EPHA3: variants seen among roughly 807,000 people sequenced by gnomAD.
EPHA3 encodes the protein ephrin type-A receptor 3.
A neutral mutation model predicts 107.1 loss-of-function variants in EPHA3; 42 were observed. The ratio of observed to expected loss-of-function variants is 0.39; its 90% confidence interval spans 0.31 to 0.51. EPHA3 has a LOEUF of 0.51. EPHA3 is among the 20% of genes least tolerant of loss of function. The pLI is 0.78. For synonymous variants in EPHA3, 461 were observed against 424.8 expected (o/e 1.09, Z -1.05); for missense variants, 1,183 against 1,211.2 (o/e 0.98, Z 0.35).
intron 2 of EPHA3, among the ~76,000 whole-genome samples, chr3:89,193,364 G>A (rs1705762922): frequency 6.6e-6 from 1 of 151,928 alleles, no homozygotes; most frequent in Admixed American, 6.6e-5. Flanking sequence ...GCATTACCAT[G>A]GGAACAATTG....
In EPHA3 at chr3:89,107,760, G is replaced by A. The variant is rs2106932177; in HGVS notation, c.12G>A (p.Gln4=). 6.2e-7 allele frequency: 1 copy of A among 1,614,100 alleles called. No individual in the cohort carries two copies. The highest frequency in any genetic ancestry group is 8.5e-7 in the Non-Finnish European group (1 of 1,179,982). Residue 4 remains glutamine, a synonymous_variant, in exon 1 of 17, where the codon CAG becomes CAA. Coordinates refer to ENST00000336596, the MANE Select transcript of EPHA3 (RefSeq NM_005233.6). MDC[Q]LSILLLLSCS... Reference sequence around the variant, plus strand: ...TCTGCACCAGCAACATGGATTGTCAGCTCTCCATCCTCCTCCTTCTCAGCT... The same window carrying A: ...TCTGCACCAGCAACATGGATTGTCAACTCTCCATCCTCCTCCTTCTCAGCT...
chr3:89,153,787 C>T (rs1320117053), intron 2 of EPHA3, among the ~76,000 whole-genome samples: 2 of 152,040 alleles, frequency 1.3e-5, no homozygotes, highest in African/African-American at 2.4e-5. Context: ...CACTCCTTTG[C>T]TGATGATCCT....
At chr3:89,305,635 GA>G (rs1414064092) in intron 3 of EPHA3, among the ~76,000 whole-genome samples, 3 of 151,972 alleles carry the variant, frequency 2.0e-5, no homozygotes, top group Non-Finnish European at 4.4e-5. Flanking sequence ...ATTGTAAGGG[GA>G]AAAAACCTAT....
intron 1 of EPHA3, among the ~76,000 whole-genome samples, chr3:89,124,545 A>G (rs2106967854): frequency 1.3e-5 from 2 of 152,234 alleles, no homozygotes; most frequent in East Asian, 3.9e-4. Context: ...GAAGTTAACT[A>G]TTCTACTCTA....
At chr3:89,316,602 T>G (rs1380603014) in intron 3 of EPHA3, among the ~76,000 whole-genome samples, 2 of 148,846 alleles carry the variant, frequency 1.3e-5, no homozygotes, top group Admixed American at 1.4e-4. Flanking sequence ...AGCACTTCTC[T>G]TTTACTGTTG....
chr3:89,354,367 T>G (rs1325071908), intron 5 of EPHA3, among the ~76,000 whole-genome samples: 5 of 151,264 alleles, frequency 3.3e-5, no homozygotes, highest in African/African-American at 1.2e-4. Flanking sequence ...AAATTCTTAA[T>G]TATATTTCAG....
At chr3:89,365,280 T>C (rs1157719437) in intron 5 of EPHA3, among the ~76,000 whole-genome samples, 1 of 150,658 alleles carries the variant, frequency 6.6e-6, no homozygotes, top group Non-Finnish European at 1.5e-5. Context: ...CCCTCAGATA[T>C]AGCCTTTCAG....
chr3:89,448,117 C>T (rs1234427009), intron 13 of EPHA3, among the ~76,000 whole-genome samples: 1 of 152,120 alleles, frequency 6.6e-6, no homozygotes, highest in African/African-American at 2.4e-5. Flanking sequence ...AGAATCTTGG[C>T]TCCACGTTCC....
Position 89,479,700 on chromosome 3 carries a change from G to A in EPHA3, c.*198G>A. ...TATCATTTATTGGATGGGTGGGTGG[G>A]GTATTTTTTTGTAATTGCTTTTTTA... On this transcript the variant is annotated 3_prime_UTR_variant, in exon 17 of 17. Transcript: ENST00000336596. 1 of 481,410 alleles carries A rather than the reference G, an allele frequency of 2.1e-6. No individual in the cohort carries two copies. The highest frequency in any genetic ancestry group is 3.7e-5 in the Admixed American group (1 of 27,072). The allele number at this position is 481,410 out of a possible 1,614,324, so 29.8% of individuals were successfully genotyped here. A position where few individuals can be genotyped will look rare whatever the true frequency, so the allele number is the denominator to read the frequency against.
intron 11 of EPHA3, among the ~76,000 whole-genome samples, chr3:89,427,808 A>T (rs185390014): frequency 6.6e-6 from 1 of 152,054 alleles, no homozygotes; most frequent in Non-Finnish European, 1.5e-5. Flanking sequence ...GGATTAAGTG[A>T]TATAACAAAT....
intron 13 of EPHA3, among the ~76,000 whole-genome samples, chr3:89,436,078 C>A (rs1709664971): frequency 6.6e-6 from 1 of 151,762 alleles, no homozygotes; most frequent in Admixed American, 6.6e-5. Context: ...GAGGTTGAAG[C>A]TGCAGTGAGC....
rs1198065404 is a variant in EPHA3, at chr3:89,449,370, A to G, written c.2492A>G (p.Gln831Arg). The G allele has an allele frequency of 1.3e-6, 2 of 1,586,422 alleles. No individual in the cohort carries two copies. The highest frequency in any genetic ancestry group is 1.7e-5 in the Admixed American group (1 of 59,626). Residue 831 changes from glutamine (Q) to arginine (R), a missense_variant, in exon 14 of 17, where the codon CAG becomes CGG. Transcript: ENST00000336596. ...AGACCATACTGGGAGATGTCCAATC[A>G]GGATGTAAGTATTTGTGGTCTATGA... is the stretch of plus-strand genomic sequence containing the variant. The part of the protein sequence containing the change: ...GERPYWEMSN[Q>R]DVIKAVDEGY...
At chr3:89,243,654 G>GGAGTAGCCCTTCGTCAGAT (rs1421539842) in intron 3 of EPHA3, among the ~76,000 whole-genome samples, 2 of 151,998 alleles carry the variant, frequency 1.3e-5, no homozygotes, top group African/African-American at 4.8e-5. Context: ...CTTTGTCAGA[G>GGAGTAGCCCTTCGTCAGAT]GAGTAGCCCT....
chr3:89,437,755 A>C (rs1709702443), intron 13 of EPHA3, among the ~76,000 whole-genome samples: 1 of 152,180 alleles, frequency 6.6e-6, no homozygotes, highest in Non-Finnish European at 1.5e-5. Flanking sequence ...TACAGGATCA[A>C]GTTACTGAAA....
intron 1 of EPHA3, among the ~76,000 whole-genome samples, chr3:89,113,049 C>T (rs912303082): frequency 6.6e-6 from 1 of 151,938 alleles, no homozygotes; most frequent in Non-Finnish European, 1.5e-5. Flanking sequence ...TTTATCATCA[C>T]GGAAGGTCAA....
At chr3:89,466,890 GC>G (rs1710288576) in intron 15 of EPHA3, among the ~76,000 whole-genome samples, 1 of 151,330 alleles carries the variant, frequency 6.6e-6, no homozygotes, top group Admixed American at 6.6e-5. Context: ...AATCAAAACA[GC>G]TAATTTTACC....
intron 2 of EPHA3, among the ~76,000 whole-genome samples, chr3:89,196,968 A>G (rs1207767652): frequency 2.0e-5 from 3 of 152,128 alleles, no homozygotes; most frequent in South Asian, 4.1e-4. Context: ...AAGTATTACA[A>G]TAACCTCCCA....
intron 15 of EPHA3, among the ~76,000 whole-genome samples, chr3:89,459,003 G>A (rs2107563812): frequency 6.6e-6 from 1 of 152,254 alleles, no homozygotes; most frequent in Non-Finnish European, 1.5e-5. Flanking sequence ...TCAGGGAGAG[G>A]AACATCACAC....
At chr3:89,161,054 T>C (rs571175761) in intron 2 of EPHA3, among the ~76,000 whole-genome samples, 2 of 152,168 alleles carry the variant, frequency 1.3e-5, no homozygotes, top group Non-Finnish European at 2.9e-5. Context: ...ACCATCTGAG[T>C]GATGATCTCA....
Sources: gnomAD v4.1 joint callset for allele counts (sites outside exome capture counted in the v4.1 genomes callset) on GRCh38, gnomAD v4.1.1 for gene constraint, MANE v1.5 for transcripts, NCBI Gene and HGNC (gene_info 2026-07-23, HGNC 2026-07-21) for gene names.